WDR88: variants seen among roughly 807,000 people sequenced by gnomAD.
WDR88 encodes WD repeat-containing protein 88.
A neutral mutation model predicts 46.8 loss-of-function variants in WDR88; 40 were observed. The ratio of observed to expected loss-of-function variants is 0.86; its 90% CI spans 0.66 to 1.11. WDR88 has a LOEUF of 1.11. WDR88 is among the 50% of genes most tolerant of loss of function. The probability of loss-of-function intolerance (pLI) is 0.00; values close to 1 mark genes in which losing one functional copy is unlikely to be tolerated. For synonymous variants in WDR88, 235 were observed against 240.7 expected, an observed-to-expected ratio of 0.98 and a Z score of 0.22; for missense variants, 562 against 602.4, an observed-to-expected ratio of 0.93 and a Z score of 0.70.
intron 8 of WDR88, among the ~76,000 whole-genome samples, chr19:33,163,641 C>CTT (rs557195235): frequency 4.3e-5 from 6 of 140,016 alleles, no homozygotes; most frequent in African/African-American, 7.8e-5. Flanking sequence ...CTGCTCTTTC[C>CTT]TTTTTTTTTT....
chr19:33,135,449 C>T (rs1000303596), intron 1 of WDR88, among the ~76,000 whole-genome samples: 5 of 152,136 alleles, frequency 3.3e-5, no homozygotes, highest in South Asian at 2.1e-4. Context: ...GATGGAGTCT[C>T]GCTCTGTTGC....
At chr19:33,137,578 G>A (rs779337747) in intron 1 of WDR88, 99 bp from the exon 2 acceptor site, 59 of 1,081,632 alleles carry the variant, frequency 5.5e-5, no homozygotes, top group Middle Eastern at 2.6e-4. Flanking sequence ...ATTTTTTTCC[G>A]GGTGGTTTAT....
intron 8 of WDR88, among the ~76,000 whole-genome samples, chr19:33,161,683 A>T (rs1281947197): frequency 1.3e-5 from 2 of 152,110 alleles, no homozygotes; most frequent in African/African-American, 4.8e-5. Context: ...TCCCTCTGTC[A>T]TCTAGGCACA....
At chr19:33,172,523 G>A in intron 10 of WDR88, 83 bp downstream of exon 10, 1 of 1,199,138 alleles carries the variant, frequency 8.3e-7, no homozygotes, top group Non-Finnish European at 1.2e-6. Context: ...ATGAACTTTG[G>A]GCACCTGGAG....
intron 7 of WDR88, among the ~76,000 whole-genome samples, chr19:33,160,066 G>A (rs1020939160): frequency 4.3e-4 from 66 of 152,104 alleles, no homozygotes; most frequent in Non-Finnish European, 6.8e-4. Flanking sequence ...ACAGGAGGCC[G>A]AGCTCAGGTG....
At chr19:33,165,721 C>G (rs917567355) in intron 9 of WDR88, among the ~76,000 whole-genome samples, 2 of 150,132 alleles carry the variant, frequency 1.3e-5, no homozygotes, top group Non-Finnish European at 3.0e-5. Flanking sequence ...GGTGAAGCCC[C>G]GTCTTTACTA....
chr19:33,136,448 C>T (rs1457340819), intron 1 of WDR88, among the ~76,000 whole-genome samples: 1 of 152,056 alleles, frequency 6.6e-6, no homozygotes, highest in African/African-American at 2.4e-5. Context: ...GCCTCGGTCT[C>T]CCAAAGTGCT....
chr19:33,174,570 T>C (rs1568374160), intron 10 of WDR88: 1 of 983,784 alleles, frequency 1.0e-6, no homozygotes, highest in East Asian at 1.1e-4. Context: ...AGAAACAGGC[T>C]CAGGGACGCA....
chr19:33,137,868 C>T (rs1973307429), intron 2 of WDR88, 81 bp downstream of exon 2: 3 of 1,207,150 alleles, frequency 2.5e-6, no homozygotes, highest in Non-Finnish European at 3.5e-6. Flanking sequence ...TTCCCCAGCA[C>T]TGAACTCACA....
intron 10 of WDR88, chr19:33,174,836 A>G (rs1400560786): frequency 1.2e-5 from 12 of 984,818 alleles, no homozygotes; most frequent in Non-Finnish European, 1.4e-5. Flanking sequence ...CTGGCAGGAG[A>G]CATGAGCTGG....
intron 6 of WDR88, among the ~76,000 whole-genome samples, chr19:33,153,630 G>A (rs1037247962): frequency 1.3e-5 from 2 of 152,074 alleles, no homozygotes; most frequent in Admixed American, 1.3e-4. Context: ...GAGTAGGTGG[G>A]ACTACAGGCG....
chr19:33,142,957 C>A (rs1396318987), intron 2 of WDR88, among the ~76,000 whole-genome samples: 1 of 151,012 alleles, frequency 6.6e-6, no homozygotes, highest in African/African-American at 2.4e-5. Flanking sequence ...ACCATCCCAT[C>A]CCCTGGGCAA....
At chr19:33,159,415 G>A (rs1318331275) in intron 7 of WDR88, among the ~76,000 whole-genome samples, 3 of 152,074 alleles carry the variant, frequency 2.0e-5, no homozygotes, top group African/African-American at 2.4e-5. Context: ...CCACAGTGCC[G>A]AAGTGCTGTT....
At chr19:33,172,302 T>C (rs1345697375) in intron 9 of WDR88, 46 bp from the exon 10 acceptor site, 3 of 1,483,820 alleles carry the variant, frequency 2.0e-6, no homozygotes, top group Non-Finnish European at 1.9e-6. Flanking sequence ...TTTGTATGGA[T>C]GTACCACAGC....
rs1440248899 is a variant in WDR88 at position 33,147,792 on chromosome 19, T to C, written c.540+84T>C. 3.2e-6 allele frequency: 4 copies of C among 1,237,146 alleles called. No individual in the cohort carries two copies. In the East Asian group the frequency reaches 9.5e-5, roughly 30 times the overall value. 76.6% of individuals were successfully genotyped at this position (1,237,146 alleles called of 1,614,324 possible). The stretch of plus-strand genomic sequence containing the variant: ...AGGCAGCTTTGGGTTGGACCCTGGG[T>C]AGGGGGAGGTGATAAAACTCCATTC... On this transcript the variant is annotated intron_variant, in intron 4 of 10. Coordinates refer to ENST00000355868, the MANE Select transcript of WDR88 (RefSeq NM_173479.4).
chr19:33,156,567 C>T lies in WDR88; in HGVS notation c.997+25C>T, dbSNP rs375523140. Reference sequence around the variant, plus strand: ...AGTGAGTAATTAACATGCAGAAGGCCTCCATTCCTGTGGGAGTGCTGGGCA... The same window carrying T: ...AGTGAGTAATTAACATGCAGAAGGCTTCCATTCCTGTGGGAGTGCTGGGCA... On this transcript the variant is annotated intron_variant, in intron 7 of 10. Coordinates refer to ENST00000355868, the MANE Select transcript of WDR88 (RefSeq NM_173479.4). 3.3e-5 allele frequency: 53 copies of T among 1,600,808 alleles called. No individual in the cohort carries two copies. The African/African-American group carries it at 6.5e-4, about 19-fold the overall frequency.
chr19:33,142,404 C>G (rs1305987432), intron 2 of WDR88, among the ~76,000 whole-genome samples: 2 of 151,848 alleles, frequency 1.3e-5, no homozygotes, highest in African/African-American at 4.8e-5. Flanking sequence ...GGGAGGAGGG[C>G]TGGAAGCAGT....
At chr19:33,157,297 G>T (rs946547794) in intron 7 of WDR88, among the ~76,000 whole-genome samples, 2 of 151,696 alleles carry the variant, frequency 1.3e-5, no homozygotes, top group African/African-American at 4.8e-5. Context: ...AGGAGTTCAA[G>T]ATCAGCCTGG....
At chr19:33,138,482 G>A (rs1275402444) in intron 2 of WDR88, among the ~76,000 whole-genome samples, 6 of 152,042 alleles carry the variant, frequency 3.9e-5, no homozygotes, top group Non-Finnish European at 7.4e-5. Flanking sequence ...TGAGTAGCTA[G>A]GACTACAGGT....
Sources: gnomAD v4.1 joint callset for allele counts (sites outside exome capture counted in the v4.1 genomes callset) on GRCh38, gnomAD v4.1.1 for gene constraint, MANE v1.5 for transcripts, NCBI Gene and HGNC (gene_info 2026-07-23, HGNC 2026-07-21) for gene names.